The following FECH variants were observed in gnomAD, a reference collection of about 807,000 sequenced individuals.
FECH encodes the protein ferrochelatase.
In FECH, 40 loss-of-function variants were observed where a neutral mutation model predicts 56.9. The observed-to-expected ratio is 0.70, with a 90% CI of 0.55 to 0.92. The LOEUF is 0.92. Ranked by LOEUF, FECH falls within the 40% of genes least tolerant of loss-of-function variation. FECH has a pLI of 0.00. For missense variants in FECH, 431 were observed against 529.1 expected (o/e 0.81, Z 1.82); for synonymous variants, 175 against 198.6 (o/e 0.88, Z 1.00).
At chr18:57,558,617 TATC>T (rs1189973517) in intron 7 of FECH, among the ~76,000 whole-genome samples, 1 of 152,194 alleles carries the variant, frequency 6.6e-6, no homozygotes, top group Non-Finnish European at 1.5e-5. Flanking sequence ...ATCTTCAAGT[TATC>T]ATTTTAAAGA....
rs1230147597 is a variant in FECH at position 57,548,878 on chromosome 18, A to C, written c.*1834T>G. The C allele has an allele frequency of 6.6e-6, 1 of 152,216 alleles. No homozygotes were observed. Among genetic ancestry groups the C allele is most frequent in the Non-Finnish European group, 1.5e-5 (1 of 68,038 alleles). 9.4% of individuals were successfully genotyped at this position (152,216 alleles called of 1,614,324 possible). A position where few individuals can be genotyped will look rare whatever the true frequency, so the allele number is the denominator to read the frequency against. On this transcript the variant is annotated 3_prime_UTR_variant, in exon 11 of 11. Transcript: ENST00000262093. ...CTCCTGAATTGGAGTTTTCTGCATC[A>C]TCTCCATAAAAATATTTTTTCACCT...
chr18:57,583,801 G>A (rs946718831), intron 1 of FECH, among the ~76,000 whole-genome samples: 1 of 151,368 alleles, frequency 6.6e-6, no homozygotes, highest in Admixed American at 6.6e-5. Flanking sequence ...TCTCTATTTT[G>A]TTTAATTAAA....
intron 6 of FECH, among the ~76,000 whole-genome samples, chr18:57,560,051 A>G (rs2050922354): frequency 6.6e-6 from 1 of 152,260 alleles, no homozygotes; most frequent in Non-Finnish European, 1.5e-5. Context: ...CTTATAAAAA[A>G]ATGCTACAAA....
chr18:57,566,099 T>C (rs771845738), intron 5 of FECH, among the ~76,000 whole-genome samples: 1 of 152,182 alleles, frequency 6.6e-6, no homozygotes, highest in Non-Finnish European at 1.5e-5. Flanking sequence ...CTTTGCTACA[T>C]CAGTAAGAAA....
chr18:57,567,044 A>G (rs1364695491), intron 4 of FECH, among the ~76,000 whole-genome samples: 1 of 152,018 alleles, frequency 6.6e-6, no homozygotes, highest in Non-Finnish European at 1.5e-5. Context: ...CCAAAGTCAT[A>G]CCTTGCAGGT....
Position 57,557,202 on chromosome 18 carries a change from C to T in FECH, c.804+1943G>A, listed in dbSNP as rs376336679. Among the ~76,000 whole-genome samples, 26 of 152,310 alleles carry T rather than the reference C, an allele frequency of 1.7e-4. No individual in the cohort carries two copies. In the East Asian group the frequency reaches 4.6e-3, roughly 27 times the overall value. On this transcript the variant is annotated intron_variant, in intron 7 of 10. Coordinates refer to ENST00000262093, the MANE Select transcript of FECH (RefSeq NM_000140.5). The stretch of plus-strand genomic sequence containing the variant: ...AGAGGCTGAGTAGAGGGTATATGTA[C>T]TCTTTTAACTCTGTACTCTTTTAAT...
At chr18:57,564,036 G>A (rs546192140) in intron 5 of FECH, among the ~76,000 whole-genome samples, 290 of 152,146 alleles carry the variant, frequency 1.9e-3, no homozygotes, top group Middle Eastern at 3.4e-3. Context: ...ATGCCACTAC[G>A]CCTGGCTAAT....
Position 57,549,208 on chromosome 18 carries a change from G to A in FECH, c.*1504C>T, listed in dbSNP as rs2050762092. ...ACTCATGAGGGCTGTCATCAACGTAGGAAAACTATTAACTCAAGTGGATGA... is the reference window on the plus strand; with the variant it reads ...ACTCATGAGGGCTGTCATCAACGTAAGAAAACTATTAACTCAAGTGGATGA... On this transcript the variant is annotated 3_prime_UTR_variant, in exon 11 of 11. Coordinates refer to ENST00000262093, the MANE Select transcript of FECH (RefSeq NM_000140.5). 6.6e-6 allele frequency: 1 copy of A among 152,008 alleles called. No individual in the cohort carries two copies. The highest frequency in any genetic ancestry group is 1.5e-5 in the Non-Finnish European group (1 of 67,994). The allele number at this position is 152,008 out of a possible 1,614,324, so 9.4% of individuals were successfully genotyped here. A position where few individuals can be genotyped will look rare whatever the true frequency, so the allele number is the denominator to read the frequency against.
chr18:57,581,061 C>T lies in FECH; in HGVS notation c.68-862G>A, dbSNP rs73961912. On this transcript the variant is annotated intron_variant, in intron 1 of 10. Transcript: ENST00000262093. The stretch of plus-strand genomic sequence containing the variant: ...GGCTCCCCACAAGGCCAGAAAGAGC[C>T]AGCGGCAAGAAGAGAAGCAGGAAAG... Among the ~76,000 whole-genome samples the T allele has an allele frequency of 7.2e-3, 1,092 of 152,216 alleles. 16 individuals carry two copies. The highest frequency in any genetic ancestry group is 0.025 in the African/African-American group (1,032 of 41,502).
In FECH at chr18:57,549,241, CT is replaced by C. The variant is rs1273701849; in HGVS notation, c.*1470del. 1 of 152,126 alleles carries C rather than the reference CT, an allele frequency of 6.6e-6. No individual in the cohort carries two copies. Among genetic ancestry groups the C allele is most frequent in the Non-Finnish European group, 1.5e-5 (1 of 68,010 alleles). 9.4% of individuals were successfully genotyped at this position (152,126 alleles called of 1,614,324 possible). Reference sequence around the variant, plus strand: ...ATTAACTCAAGTGGATGACATGTTTCTTTTCCTGTATTAAAAAAGCTCCTCA... The same window carrying C: ...ATTAACTCAAGTGGATGACATGTTTCTTTCCTGTATTAAAAAAGCTCCTCA... On this transcript the variant is annotated 3_prime_UTR_variant, in exon 11 of 11. Transcript: ENST00000262093.
Position 57,559,969 on chromosome 18 carries a change from G to A in FECH, c.706-726C>T, listed in dbSNP as rs141897278. ...TCTAGCCGGCACTTTGATTCACGTC[G>A]ATAGGTGCTGAAATACCAGAACTGA... On this transcript the variant is annotated intron_variant, in intron 6 of 10. Transcript: ENST00000262093. 2.9e-3 allele frequency among the ~76,000 whole-genome samples: 435 copies of A among 152,250 alleles called. 1 individual carries two copies. Among genetic ancestry groups the A allele is most frequent in the Non-Finnish European group, 4.4e-3 (299 of 68,018 alleles).
At chr18:57,551,080 C>T (rs2122237988) in intron 10 of FECH, 1 of 638,214 alleles carries the variant, frequency 1.6e-6, no homozygotes, top group Admixed American at 2.8e-5. Flanking sequence ...CCCACTAGGC[C>T]TTTTCTCTGG....
At position 57,586,478 on chromosome 18, in the gene FECH, G is replaced by A. The variant is rs317815; in HGVS notation, c.67+76C>T. On this transcript the variant is annotated intron_variant, in intron 1 of 10. Coordinates refer to ENST00000262093, the MANE Select transcript of FECH (RefSeq NM_000140.5). ...CCGAATCCCCCGGGCGCGAGGGCCC[G>A]GGCGCCAGCTGCCCGCTCTGCCCAC... is the stretch of plus-strand genomic sequence containing the variant. The A allele has an allele frequency of 0.69, 1,001,048 of 1,451,508 alleles. 348,605 individuals are homozygous for A. The highest frequency in any genetic ancestry group is 0.99 in the East Asian group (36,397 of 36,836). 89.9% of individuals were successfully genotyped at this position (1,451,508 alleles called of 1,614,324 possible).
intron 8 of FECH, 106 bp downstream of exon 8, chr18:57,554,738 AT>A: frequency 2.2e-6 from 2 of 907,974 alleles, no homozygotes. Context: ...CAATCAGGTT[AT>A]GGAAGAGCCT....
intron 7 of FECH, among the ~76,000 whole-genome samples, chr18:57,558,817 A>G (rs1327696607): frequency 1.3e-5 from 2 of 152,084 alleles, no homozygotes; most frequent in African/African-American, 4.8e-5. Flanking sequence ...GCTACTTGGG[A>G]GGCTGAGGCA....
chr18:57,576,691 C>CGTT (rs1326897607), intron 2 of FECH, among the ~76,000 whole-genome samples: 9 of 152,168 alleles, frequency 5.9e-5, no homozygotes, highest in African/African-American at 2.2e-4. Flanking sequence ...GTTTTGCAAA[C>CGTT]GCATGTTGAT....
chr18:57,574,850 A>G (rs1410924289), intron 2 of FECH, among the ~76,000 whole-genome samples: 1 of 152,244 alleles, frequency 6.6e-6, no homozygotes, highest in Non-Finnish European at 1.5e-5. Context: ...TAACTCACAT[A>G]CCACAAAATT....
At chr18:57,577,533 ACACT>A (rs2051200811) in intron 2 of FECH, among the ~76,000 whole-genome samples, 1 of 152,212 alleles carries the variant, frequency 6.6e-6, no homozygotes. Context: ...ATCCACAAAG[ACACT>A]CACTGCTTCA....
rs2050764620 is a variant in FECH at position 57,549,349 on chromosome 18, A to C, written c.*1363T>G. 1 of 151,926 alleles carries C rather than the reference A, an allele frequency of 6.6e-6. No homozygotes were observed. Among genetic ancestry groups the C allele is most frequent in the African/African-American group, 2.4e-5 (1 of 41,356 alleles). 9.4% of individuals were successfully genotyped at this position (151,926 alleles called of 1,614,324 possible). A position where few individuals can be genotyped will look rare whatever the true frequency, so the allele number is the denominator to read the frequency against. ...TTAGCTAAAACCTTAATGATGTTGT[A>C]ATATTTATTAACATAGCCAATTCTC... On this transcript the variant is annotated 3_prime_UTR_variant, in exon 11 of 11. Transcript: ENST00000262093.
Sources: allele counts gnomAD v4.1 joint callset (sites outside exome capture counted in the v4.1 genomes callset), GRCh38; gene constraint gnomAD v4.1.1; transcripts MANE v1.5; gene names NCBI Gene and HGNC (gene_info 2026-07-23, HGNC 2026-07-21).